The following KCNG3 variants were observed in gnomAD, a reference collection of about 807,000 sequenced individuals.
KCNG3 encodes the protein voltage-gated potassium channel regulatory subunit KCNG3.
Under a neutral mutation model 29.0 loss-of-function variants are expected in KCNG3, and 15 were observed. The ratio of observed to expected loss-of-function variants is 0.52; its 90% confidence interval spans 0.35 to 0.80. The LOEUF (loss-of-function observed/expected upper bound fraction) is 0.80, where lower values mean the gene tolerates loss of function less well. Among genes scored for constraint, KCNG3 ranks in the 30% least tolerant of loss-of-function variants. The probability of loss-of-function intolerance (pLI) is 0.01; values close to 1 mark genes in which losing one functional copy is unlikely to be tolerated. For synonymous variants in KCNG3, 322 were observed against 248.9 expected (o/e 1.29, Z -2.76); for missense variants, 512 against 605.7 (o/e 0.85, Z 1.62).
chr2:42,487,406 G>A (rs567399077), intron 1 of KCNG3, among the ~76,000 whole-genome samples: 42 of 143,584 alleles, frequency 2.9e-4, no homozygotes, highest in Admixed American at 5.0e-4. Flanking sequence ...ATGCAGTGGC[G>A]TGAGCTCAGC....
the KCNG3 span, among the ~76,000 whole-genome samples, chr2:42,432,225 A>G: frequency 6.6e-6 from 1 of 152,182 alleles, no homozygotes; most frequent in African/African-American, 2.4e-5. Context: ...TTGTGCACAC[A>G]AAGGATTAAA....
chr2:42,419,067 T>C, the KCNG3 span, among the ~76,000 whole-genome samples: 1 of 152,022 alleles, frequency 6.6e-6, no homozygotes, highest in Non-Finnish European at 1.5e-5. Context: ...AGTAGTAAAA[T>C]GCTACCCTTG....
chr2:42,447,270 G>GTATA (rs531570746), intron 1 of KCNG3, among the ~76,000 whole-genome samples: 1 of 150,032 alleles, frequency 6.7e-6, no homozygotes, highest in Admixed American at 6.6e-5. Context: ...GTACATACAT[G>GTATA]TATATATATA....
At chr2:42,401,978 G>T in the KCNG3 span, among the ~76,000 whole-genome samples, 1 of 152,330 alleles carries the variant, frequency 6.6e-6, no homozygotes, top group Admixed American at 6.5e-5. Flanking sequence ...GCTACGGGAT[G>T]CCCAGATAGC....
chr2:42,407,639 G>A, the KCNG3 span, among the ~76,000 whole-genome samples: 1 of 152,116 alleles, frequency 6.6e-6, no homozygotes, highest in South Asian at 2.1e-4. Flanking sequence ...CCGCTTGGGG[G>A]GCAGCTGCAG....
At chr2:42,434,485 A>G in the KCNG3 span, among the ~76,000 whole-genome samples, 89 of 123,312 alleles carry the variant, frequency 7.2e-4, 1 homozygote, top group Non-Finnish European at 1.2e-3. Flanking sequence ...AAAAAAAAAA[A>G]AGAGAGAGAG....
chr2:42,430,752 T>TCAAAA, the KCNG3 span, among the ~76,000 whole-genome samples: 7 of 151,360 alleles, frequency 4.6e-5, no homozygotes, highest in African/African-American at 1.2e-4. Flanking sequence ...AAATTCTGTT[T>TCAAAA]CAAAACAAAA....
the KCNG3 span, among the ~76,000 whole-genome samples, chr2:42,418,319 C>T: frequency 6.6e-6 from 1 of 152,138 alleles, no homozygotes; most frequent in Non-Finnish European, 1.5e-5. Context: ...CATATATAGA[C>T]CACATTTTGT....
At chr2:42,481,418 C>T (rs1304866235) in intron 1 of KCNG3, among the ~76,000 whole-genome samples, 1 of 152,100 alleles carries the variant, frequency 6.6e-6, no homozygotes, top group Non-Finnish European at 1.5e-5. Context: ...GCCAAGAAAC[C>T]CACCCTGCAT....
chr2:42,443,859 A>T lies in KCNG3; in HGVS notation c.*75T>A. 3.6e-6 allele frequency: 5 copies of T among 1,404,188 alleles called. No individual in the cohort carries two copies. The highest frequency in any genetic ancestry group is 4.9e-6 in the Non-Finnish European group (5 of 1,026,060). The allele number at this position is 1,404,188 out of a possible 1,614,324, so 87.0% of individuals were successfully genotyped here. The stretch of plus-strand genomic sequence containing the variant: ...GACAATGCCACTGCAGTGCTCACCC[A>T]GCAAGAAACACATAAATATGAAGCA... On this transcript the variant is annotated 3_prime_UTR_variant, in exon 2 of 2. Coordinates refer to ENST00000306078, the MANE Select transcript of KCNG3 (RefSeq NM_133329.6).
At position 42,443,931 on chromosome 2, in the gene KCNG3, G is replaced by A; in HGVS notation, c.*3C>T. The A allele has an allele frequency of 6.3e-7, 1 of 1,599,106 alleles. No individual in the cohort carries two copies. The highest frequency in any genetic ancestry group is 8.5e-7 in the Non-Finnish European group (1 of 1,173,066). ...GTGTATGCAAGAATTGATTTGCAAT[G>A]CATTAATTCAGGAATTCAGTGGAGA... On this transcript the variant is annotated 3_prime_UTR_variant, in exon 2 of 2. Coordinates refer to ENST00000306078, the MANE Select transcript of KCNG3 (RefSeq NM_133329.6).
intron 1 of KCNG3, chr2:42,470,055 C>A: frequency 2.0e-6 from 1 of 511,114 alleles, no homozygotes; most frequent in South Asian, 2.5e-5. Context: ...GGACTTGCTC[C>A]TGATCTCCCT....
At chr2:42,445,768 C>T (rs1244415968) in intron 1 of KCNG3, among the ~76,000 whole-genome samples, 1 of 152,078 alleles carries the variant, frequency 6.6e-6, no homozygotes, top group Non-Finnish European at 1.5e-5. Flanking sequence ...ACGCTATCGC[C>T]CAGGCTGGAG....
intron 1 of KCNG3, among the ~76,000 whole-genome samples, chr2:42,459,694 C>T (rs1031559767): frequency 5.3e-5 from 8 of 151,952 alleles, no homozygotes; most frequent in Admixed American, 4.6e-4. Flanking sequence ...AAGATGTTAT[C>T]GGCCGGGCGT....
At chr2:42,481,955 T>G (rs1673595612) in intron 1 of KCNG3, among the ~76,000 whole-genome samples, 2 of 152,206 alleles carry the variant, frequency 1.3e-5, no homozygotes, top group Non-Finnish European at 2.9e-5. Flanking sequence ...TTTTTCTTGT[T>G]GTTGTTTTTC....
chr2:42,474,970 G>T (rs559243335), intron 1 of KCNG3, among the ~76,000 whole-genome samples: 2 of 152,190 alleles, frequency 1.3e-5, no homozygotes, highest in South Asian at 4.1e-4. Flanking sequence ...GGCTACACAA[G>T]GGCAAGGAAG....
the KCNG3 span, among the ~76,000 whole-genome samples, chr2:42,399,912 C>CT: frequency 0.01 from 1,573 of 152,282 alleles, 13 homozygotes; most frequent in East Asian, 0.052. Context: ...ACCTTCCACT[C>CT]TTTGAGTTCT....
In KCNG3 at chr2:42,444,609, A is replaced by G. The variant is rs369478988; in HGVS notation, c.666-30T>C. ...CAAGAGAACAAAAGAAGAATTGATC[A>G]TTTTATTTTTAAGCATTTTAATAGC... On this transcript the variant is annotated intron_variant, in intron 1 of 1. Coordinates refer to ENST00000306078, the MANE Select transcript of KCNG3 (RefSeq NM_133329.6). The surrounding 1 kb of genome is among the most constrained non-coding windows in gnomAD (Gnocchi z 5.8). 1.1e-4 allele frequency: 175 copies of G among 1,566,194 alleles called. 7 individuals are homozygous for G. The South Asian group carries it at 2.0e-3, about 18-fold the overall frequency.
At chr2:42,402,473 C>T in the KCNG3 span, among the ~76,000 whole-genome samples, 1 of 152,134 alleles carries the variant, frequency 6.6e-6, no homozygotes, top group Non-Finnish European at 1.5e-5. Flanking sequence ...ATTGCTTGAG[C>T]CCACTAGTTC....
Sources: gnomAD v4.1 joint callset for allele counts (sites outside exome capture counted in the v4.1 genomes callset) on GRCh38, gnomAD v4.1.1 for gene constraint, Gnocchi (gnomAD v3.1) non-coding constraint, MANE v1.5 for transcripts, NCBI Gene and HGNC (gene_info 2026-07-23, HGNC 2026-07-21) for gene names.